GLUL: variants seen among roughly 807,000 people sequenced by gnomAD.
GLUL encodes the protein glutamine synthetase.
Under a neutral mutation model 36.9 loss-of-function variants are expected in GLUL, and 8 were observed. The ratio of observed to expected loss-of-function variants is 0.22; its 90% CI spans 0.13 to 0.39. GLUL has a LOEUF of 0.39. Ranked by LOEUF, GLUL falls within the 10% of genes least tolerant of loss-of-function variation. GLUL has a pLI of 1.00. For missense variants in GLUL, 315 were observed against 501.8 expected (o/e 0.63, Z 3.56); for synonymous variants, 182 against 172.8 (o/e 1.05, Z -0.42).
chr1:182,387,461 A>G (rs1256402527), intron 2 of GLUL, among the ~76,000 whole-genome samples, 169 bp from the exon 3 acceptor site: 1 of 152,178 alleles, frequency 6.6e-6, no homozygotes, highest in Non-Finnish European at 1.5e-5. Context: ...CCTGTACCTG[A>G]TCTTATAGCC....
rs748818045 is a variant in GLUL, at chr1:182,381,887, A to G, written c.*2518T>C. ...GAAAATGCTAAGGATGAAACAGGGTACTCAACAATCATGCTGAAACAGGCA... is the reference window on the plus strand; with the variant it reads ...GAAAATGCTAAGGATGAAACAGGGTGCTCAACAATCATGCTGAAACAGGCA... On this transcript the variant is annotated 3_prime_UTR_variant, in exon 7 of 7. Transcript: ENST00000331872. The G allele has an allele frequency of 1.5e-4, 23 of 152,236 alleles. No homozygotes were observed. The highest frequency in any genetic ancestry group is 2.8e-4 in the Non-Finnish European group (19 of 68,042). The allele number at this position is 152,236 out of a possible 1,614,324, so 9.4% of individuals were successfully genotyped here.
chr1:182,386,137 T>C lies in GLUL; in HGVS notation c.475+119A>G, dbSNP rs1650170878. The C allele has an allele frequency of 1.0e-5, 11 of 1,062,314 alleles. No individual in the cohort carries two copies. In the Admixed American group the frequency reaches 1.9e-4, roughly 18 times the overall value. The allele number at this position is 1,062,314 out of a possible 1,614,324, so 65.8% of individuals were successfully genotyped here. ...GGACTTTGGTGATGTGAGGGCTGTT[T>C]CGCCTTTACTGTATTATTTTGCTTC... On this transcript the variant is annotated intron_variant, in intron 4 of 6. Coordinates refer to ENST00000331872, the MANE Select transcript of GLUL (RefSeq NM_001033044.4).
intron 1 of GLUL, chr1:182,389,284 AGTTT>A (rs1650310805): frequency 1.2e-5 from 2 of 162,870 alleles, no homozygotes; most frequent in South Asian, 1.5e-4. Flanking sequence ...TGGCTTCCAC[AGTTT>A]GTTTTTCTCT....
intron 4 of GLUL, 149 bp from the exon 5 acceptor site, chr1:182,386,036 G>A: frequency 1.1e-6 from 1 of 904,346 alleles, no homozygotes; most frequent in Non-Finnish European, 1.9e-6. Flanking sequence ...CAATAGGGGA[G>A]TTCCTCTTCA....
At chr1:182,386,070 G>A (rs1007780562) in intron 4 of GLUL, 183 bp from the exon 5 acceptor site, 21 of 865,696 alleles carry the variant, frequency 2.4e-5, no homozygotes, top group East Asian at 9.8e-5. Context: ...GGGGCCAAAC[G>A]TTCCCCCTAA....
At chr1:182,390,572 C>T (rs931068394) in intron 1 of GLUL, 2 of 399,024 alleles carry the variant, frequency 5.0e-6, no homozygotes, top group Admixed American at 8.8e-5. Flanking sequence ...GCGTTCGCGC[C>T]TCTCCTCTTT....
At chr1:182,388,439 C>T (rs1558163735) in intron 2 of GLUL, 133 bp downstream of exon 2, 1 of 783,528 alleles carries the variant, frequency 1.3e-6, no homozygotes, top group African/African-American at 1.7e-5. Flanking sequence ...TGAATAAAGT[C>T]TGAAAAGCCC....
chr1:182,382,844 A>G lies in GLUL; in HGVS notation c.*1561T>C, dbSNP rs190034303. ...TTTTGCCTGTTTTAGGAAATAAAGAAATATAATGGCACATAGGGATTTGAA... is the reference window on the plus strand; with the variant it reads ...TTTTGCCTGTTTTAGGAAATAAAGAGATATAATGGCACATAGGGATTTGAA... On this transcript the variant is annotated 3_prime_UTR_variant, in exon 7 of 7. Coordinates refer to ENST00000331872, the MANE Select transcript of GLUL (RefSeq NM_001033044.4). The G allele has an allele frequency of 1.3e-5, 2 of 152,282 alleles. No homozygotes were observed. Among genetic ancestry groups the G allele is most frequent in the Non-Finnish European group, 2.9e-5 (2 of 68,034 alleles). The allele number at this position is 152,282 out of a possible 1,614,324, so 9.4% of individuals were successfully genotyped here. A position where few individuals can be genotyped will look rare whatever the true frequency, so the allele number is the denominator to read the frequency against.
rs1400497991 is a variant in GLUL at position 182,380,294 on chromosome 1, G to T, written c.*4111C>A. 6.6e-6 allele frequency among the ~76,000 whole-genome samples: 1 copy of T among 152,044 alleles called. No homozygotes were observed. The highest frequency in any genetic ancestry group is 1.9e-4 in the East Asian group (1 of 5,190). On this transcript the variant is annotated 3_prime_UTR_variant, in exon 7 of 7. Coordinates refer to ENST00000331872, the MANE Select transcript of GLUL (RefSeq NM_001033044.4). ...TAAAAAGAATCAACATTTTCAATTT[G>T]TTTTTTGGGGTTTTGTTTGTTTTGT...
Position 182,385,449 on chromosome 1 carries a change from G to A in GLUL, c.711C>T (p.Thr237=), listed in dbSNP as rs1436409798. ...TCCCAGGAATGGGCTTAGGATCAAAGGTTGCTATCACTCCAAAGTCTTCAC... is the reference window on the plus strand; with the variant it reads ...TCCCAGGAATGGGCTTAGGATCAAAAGTTGCTATCACTCCAAAGTCTTCAC... ...RVCEDFGVIA[T]FDPKPIPGNW... is the part of the protein sequence containing the mutation. The change falls in exon 6 of 7, where the codon ACC becomes ACT. Residue 237 remains threonine, a synonymous_variant. Coordinates refer to ENST00000331872, the MANE Select transcript of GLUL (RefSeq NM_001033044.4). 2 of 1,613,818 alleles carry A rather than the reference G, an allele frequency of 1.2e-6. No individual in the cohort carries two copies. The highest frequency in any genetic ancestry group is 1.7e-6 in the Non-Finnish European group (2 of 1,179,756).
At chr1:182,390,660 G>C (rs1357572741) in intron 1 of GLUL, 6 of 399,290 alleles carry the variant, frequency 1.5e-5, no homozygotes, top group Non-Finnish European at 2.7e-5. Context: ...CGGCCGGCCC[G>C]GGGGGTGTCC....
In GLUL at chr1:182,384,337, G is replaced by A. The variant is rs1650071332; in HGVS notation, c.*68C>T. ...CTTTGAGTTACAATCGGGACAACTG[G>A]GAGAGGGGGAAGAGTTGGAGTGGGA... On this transcript the variant is annotated 3_prime_UTR_variant, in exon 7 of 7. Coordinates refer to ENST00000331872, the MANE Select transcript of GLUL (RefSeq NM_001033044.4). The A allele has an allele frequency of 9.4e-7, 1 of 1,069,036 alleles. No individual in the cohort carries two copies. The highest frequency in any genetic ancestry group is 1.5e-5 in the African/African-American group (1 of 64,536). 66.2% of individuals were successfully genotyped at this position (1,069,036 alleles called of 1,614,324 possible).
At position 182,381,975 on chromosome 1, in the gene GLUL, T is replaced by C. The variant is rs1649946077; in HGVS notation, c.*2430A>G. 1 of 152,182 alleles carries C rather than the reference T, an allele frequency of 6.6e-6. No homozygotes were observed. The highest frequency in any genetic ancestry group is 1.5e-5 in the Non-Finnish European group (1 of 68,038). 9.4% of individuals were successfully genotyped at this position (152,182 alleles called of 1,614,324 possible). A position where few individuals can be genotyped will look rare whatever the true frequency, so the allele number is the denominator to read the frequency against. Reference sequence around the variant, plus strand: ...ACTCTACTTTGAATATTAAATCATATTACGAGCCAACTTTCTTAAGAAAAA... The same window carrying C: ...ACTCTACTTTGAATATTAAATCATACTACGAGCCAACTTTCTTAAGAAAAA... On this transcript the variant is annotated 3_prime_UTR_variant, in exon 7 of 7. Transcript: ENST00000331872.
In GLUL at chr1:182,388,747, T is replaced by C; in HGVS notation, c.-10A>G. ...TTGCTGAGGTGGTCATGGTGGAAGG[T>C]GTTCTGGAGAAGAAAAAAAGAATAA... On this transcript the variant is annotated 5_prime_UTR_variant, in exon 2 of 7. Coordinates refer to ENST00000331872, the MANE Select transcript of GLUL (RefSeq NM_001033044.4). 4.3e-6 allele frequency: 7 copies of C among 1,612,718 alleles called. No individual in the cohort carries two copies. Among genetic ancestry groups the C allele is most frequent in the Middle Eastern group, 1.7e-4 (1 of 6,060 alleles).
intron 6 of GLUL, 27 bp from the exon 7 acceptor site, chr1:182,384,750 C>A: frequency 6.4e-7 from 1 of 1,557,744 alleles, no homozygotes; most frequent in Non-Finnish European, 8.9e-7. Flanking sequence ...AGATGGCAGT[C>A]CAACCTTGTC....
rs1649850679 is a variant in GLUL at position 182,379,521 on chromosome 1, C to A, written c.*4884G>T. Among the ~76,000 whole-genome samples, 1 of 152,028 alleles carries A rather than the reference C, an allele frequency of 6.6e-6. No individual in the cohort carries two copies. The highest frequency in any genetic ancestry group is 6.6e-5 in the Admixed American group (1 of 15,266). On this transcript the variant is annotated 3_prime_UTR_variant, in exon 7 of 7. Transcript: ENST00000331872. ...TACAGGCTTGAGCCACCACACCCAGCCTAAACTGCCAGTTTACATCAGTTA... is the reference window on the plus strand; with the variant it reads ...TACAGGCTTGAGCCACCACACCCAGACTAAACTGCCAGTTTACATCAGTTA...
chr1:182,381,477 A>G lies in GLUL; in HGVS notation c.*2928T>C, dbSNP rs2101926809. Among the ~76,000 whole-genome samples the G allele has an allele frequency of 6.6e-6, 1 of 152,346 alleles. No individual in the cohort carries two copies. Among genetic ancestry groups the G allele is most frequent in the South Asian group, 2.1e-4 (1 of 4,822 alleles). On this transcript the variant is annotated 3_prime_UTR_variant, in exon 7 of 7. Transcript: ENST00000331872. ...TTATTCTGTTTAATCTATCACTGAT[A>G]AAAGTTATCACATAACCCATTGTCT...
At chr1:182,390,505 C>A (rs1650363838) in intron 1 of GLUL, 1 of 399,180 alleles carries the variant, frequency 2.5e-6, no homozygotes, top group Non-Finnish European at 4.4e-6. Flanking sequence ...ACCCCAGCCA[C>A]AGAAAGTCAA....
rs1358080085 is a variant in GLUL, at chr1:182,381,181, C to A, written c.*3224G>T. 2.0e-5 allele frequency among the ~76,000 whole-genome samples: 3 copies of A among 152,150 alleles called. No individual in the cohort carries two copies. Among genetic ancestry groups the A allele is most frequent in the Admixed American group, 2.0e-4 (3 of 15,276 alleles). On this transcript the variant is annotated 3_prime_UTR_variant, in exon 7 of 7. Transcript: ENST00000331872. Reference sequence around the variant, plus strand: ...ACTTGGGAGGCTGAGGCAGGAGAATCGCTTGAATCTGGGAGGCAGAAGTTG... The same window carrying A: ...ACTTGGGAGGCTGAGGCAGGAGAATAGCTTGAATCTGGGAGGCAGAAGTTG...
Sources: allele counts gnomAD v4.1 joint callset (sites outside exome capture counted in the v4.1 genomes callset), GRCh38; gene constraint gnomAD v4.1.1; transcripts MANE v1.5; gene names NCBI Gene and HGNC (gene_info 2026-07-23, HGNC 2026-07-21).